The following RXFP2 variants were observed in gnomAD, a reference collection of about 807,000 sequenced individuals.
RXFP2 encodes relaxin receptor 2.
RXFP2 carries 68 observed loss-of-function variants against 88.6 expected under a neutral mutation model. That is an observed-to-expected ratio of 0.77 (90% CI 0.63 to 0.94). The LOEUF (loss-of-function observed/expected upper bound fraction) is 0.94, where lower values mean the gene tolerates loss of function less well. RXFP2 is among the 40% of genes least tolerant of loss of function. RXFP2 has a pLI of 0.00. For missense variants in RXFP2, 791 were observed against 893.9 expected (o/e 0.88, Z 1.47); for synonymous variants, 329 against 306.8 (o/e 1.07, Z -0.76).
intron 11 of RXFP2, among the ~76,000 whole-genome samples, chr13:31,784,853 A>C (rs1168591999): frequency 6.6e-6 from 1 of 152,098 alleles, no homozygotes; most frequent in Non-Finnish European, 1.5e-5. Context: ...CCAGACCCTG[A>C]GCCCTGCTGC....
intron 1 of RXFP2, among the ~76,000 whole-genome samples, chr13:31,756,155 A>C (rs930892451): frequency 3.3e-5 from 5 of 152,226 alleles, no homozygotes; most frequent in African/African-American, 9.6e-5. Flanking sequence ...AACAAATGAC[A>C]TCATTTGTTA....
At chr13:31,756,619 CA>C (rs1274841545) in intron 1 of RXFP2, among the ~76,000 whole-genome samples, 1 of 126,538 alleles carries the variant, frequency 7.9e-6, no homozygotes, top group Non-Finnish European at 1.6e-5. Flanking sequence ...TGTGAAGTTC[CA>C]ATTTTTTTTT....
At chr13:31,775,284 G>A in intron 6 of RXFP2, 34 bp from the exon 7 acceptor site, 3 of 1,514,090 alleles carry the variant, frequency 2.0e-6, no homozygotes, top group South Asian at 1.1e-5. Context: ...AGGGTATTGA[G>A]TTTGCCTAAT....
intron 5 of RXFP2, among the ~76,000 whole-genome samples, chr13:31,769,632 A>G (rs996098102): frequency 6.6e-6 from 1 of 152,114 alleles, no homozygotes; most frequent in Non-Finnish European, 1.5e-5. Context: ...TTCCTTCTGC[A>G]CTCTATGTGC....
intron 3 of RXFP2, 89 bp from the exon 4 acceptor site, chr13:31,764,948 T>A (rs1051569785): frequency 2.3e-5 from 17 of 755,510 alleles, no homozygotes; most frequent in Non-Finnish European, 3.5e-5. Flanking sequence ...ATACATTCGA[T>A]GAAAAGAAAA....
At position 31,778,511 on chromosome 13, in the gene RXFP2, G is replaced by T. The variant is rs1384946358; in HGVS notation, c.714-1G>T. ...CTAATTAACATTTTCTTTGTGTAAA[G>T]GTCTATGGTTAATAACTACTTAGAA... On this transcript the variant is annotated splice_acceptor_variant, in intron 8 of 17. Transcript: ENST00000298386. LOFTEE classifies it high-confidence loss of function. 1 of 1,595,722 alleles carries T rather than the reference G, an allele frequency of 6.3e-7. No individual in the cohort carries two copies. Among genetic ancestry groups the T allele is most frequent in the Non-Finnish European group, 8.6e-7 (1 of 1,163,516 alleles).
chr13:31,761,890 C>T, intron 3 of RXFP2, 89 bp downstream of exon 3: 2 of 896,156 alleles, frequency 2.2e-6, no homozygotes, highest in Non-Finnish European at 3.7e-6. Flanking sequence ...TGACAAATTC[C>T]CTTCAGAATT....
At chr13:31,796,479 T>G (rs1223430663) in intron 16 of RXFP2, among the ~76,000 whole-genome samples, 1 of 152,120 alleles carries the variant, frequency 6.6e-6, no homozygotes, top group Admixed American at 6.5e-5. Flanking sequence ...GTTTTTATTT[T>G]TTGAGATGTG....
At chr13:31,745,862 T>A (rs906166517) in intron 1 of RXFP2, among the ~76,000 whole-genome samples, 3 of 152,104 alleles carry the variant, frequency 2.0e-5, no homozygotes, top group Non-Finnish European at 2.9e-5. Flanking sequence ...AAAGATTGGA[T>A]ATGGGTGAAC....
intron 14 of RXFP2, 35 bp from the exon 15 acceptor site, chr13:31,791,771 C>T (rs753641198): frequency 1.4e-6 from 2 of 1,442,202 alleles, no homozygotes; most frequent in Non-Finnish European, 2.0e-6. Flanking sequence ...TGTATCATTG[C>T]TGCAAAGTGA....
At chr13:31,754,302 G>A (rs1048744435) in intron 1 of RXFP2, among the ~76,000 whole-genome samples, 7 of 152,186 alleles carry the variant, frequency 4.6e-5, no homozygotes, top group South Asian at 4.1e-4. Context: ...AGGCCGAAGC[G>A]GGTGGATCAT....
At chr13:31,760,635 G>A (rs1872262732) in intron 2 of RXFP2, among the ~76,000 whole-genome samples, 1 of 152,210 alleles carries the variant, frequency 6.6e-6, no homozygotes, top group African/African-American at 2.4e-5. Context: ...AATAATGCAA[G>A]TGAGGGAGCA....
At chr13:31,773,810 T>C (rs1442574164) in intron 5 of RXFP2, among the ~76,000 whole-genome samples, 2 of 152,310 alleles carry the variant, frequency 1.3e-5, no homozygotes, top group South Asian at 2.1e-4. Flanking sequence ...CGCTGTGTAA[T>C]AGTTTAGGAA....
intron 10 of RXFP2, 128 bp from the exon 11 acceptor site, chr13:31,782,548 A>C: frequency 1.3e-6 from 1 of 741,168 alleles, no homozygotes; most frequent in Admixed American, 1.9e-5. Flanking sequence ...TCCACTCCAA[A>C]AGATGCCTCC....
chr13:31,760,308 C>G (rs1872245283), intron 2 of RXFP2, among the ~76,000 whole-genome samples: 1 of 152,142 alleles, frequency 6.6e-6, no homozygotes, highest in Non-Finnish European at 1.5e-5. Context: ...CCGGGCTGGT[C>G]TGGAACTCCT....
rs1297029232 is a variant in RXFP2 at position 31,778,505 on chromosome 13, T to C, written c.714-7T>C. On this transcript the variant is annotated splice_polypyrimidine_tract_variant and splice_region_variant and intron_variant, in intron 8 of 17. Coordinates refer to ENST00000298386, the MANE Select transcript of RXFP2 (RefSeq NM_130806.5). Reference sequence around the variant, plus strand: ...TTATTTCTAATTAACATTTTCTTTGTGTAAAGGTCTATGGTTAATAACTAC... The same window carrying C: ...TTATTTCTAATTAACATTTTCTTTGCGTAAAGGTCTATGGTTAATAACTAC... The C allele has an allele frequency of 3.2e-6, 5 of 1,586,258 alleles. No individual in the cohort carries two copies. The African/African-American group carries it at 6.7e-5, about 21-fold the overall frequency.
chr13:31,757,762 T>A (rs1015323861), intron 1 of RXFP2, among the ~76,000 whole-genome samples: 1 of 152,152 alleles, frequency 6.6e-6, no homozygotes, highest in East Asian at 1.9e-4. Context: ...ATTCTGTTCT[T>A]GATATAGCTG....
chr13:31,772,066 CTT>C (rs1179763521), intron 5 of RXFP2, among the ~76,000 whole-genome samples: 1 of 152,128 alleles, frequency 6.6e-6, no homozygotes. Flanking sequence ...TTTTAATAAT[CTT>C]TTAAAATGTC....
In RXFP2 at chr13:31,765,108, T is replaced by A. The variant is rs768485880; in HGVS notation, c.391T>A (p.Ser131Thr). 1 of 1,609,448 alleles carries A rather than the reference T, an allele frequency of 6.2e-7. No individual in the cohort carries two copies. The highest frequency in any genetic ancestry group is 8.5e-7 in the Non-Finnish European group (1 of 1,175,938). ...GGAATGTGTAAATGGTGACTTAAAGTCTGTGCCGATGATTTCTAACAATGT... is the reference window on the plus strand; with the variant it reads ...GGAATGTGTAAATGGTGACTTAAAGACTGTGCCGATGATTTCTAACAATGT... ...ELECVNGDLK[S>T]VPMISNNVTL... is the part of the protein sequence containing the mutation. The change falls in exon 4 of 18, where the codon TCT (serine) becomes ACT (threonine). Residue 131 changes from serine to threonine, a missense_variant. Transcript: ENST00000298386.
Sources: gnomAD v4.1 joint callset for allele counts (sites outside exome capture counted in the v4.1 genomes callset) on GRCh38, gnomAD v4.1.1 for gene constraint, MANE v1.5 for transcripts, NCBI Gene and HGNC (gene_info 2026-07-23, HGNC 2026-07-21) for gene names.